The following DOCK2 variants were observed in gnomAD, a reference collection of about 807,000 sequenced individuals.
DOCK2 encodes dedicator of cytokinesis protein 2.
In DOCK2, 87 loss-of-function variants were observed where a neutral mutation model predicts 248.9. That is an observed-to-expected ratio of 0.35 (90% CI 0.29 to 0.42). DOCK2 has a LOEUF of 0.42. Among genes scored for constraint, DOCK2 ranks in the 10% least tolerant of loss-of-function variants. The pLI is 1.00. For synonymous variants in DOCK2, 805 were observed against 821.6 expected, an observed-to-expected ratio of 0.98 and a Z score of 0.35; for missense variants, 1,747 against 2,300.2, an observed-to-expected ratio of 0.76 and a Z score of 4.92.
chr5:169,697,833 G>T (rs1169315040), intron 10 of DOCK2, among the ~76,000 whole-genome samples: 1 of 152,060 alleles, frequency 6.6e-6, no homozygotes. Context: ...TCTTTACCTT[G>T]GTTTTGGGAC....
chr5:170,007,343 G>A (rs528669110), intron 30 of DOCK2, among the ~76,000 whole-genome samples: 2 of 152,294 alleles, frequency 1.3e-5, no homozygotes, highest in East Asian at 3.9e-4. Context: ...TTGGCATCTT[G>A]CAATAATTGC....
intron 10 of DOCK2, 136 bp from the exon 11 acceptor site, chr5:169,698,238 C>A: frequency 2.7e-6 from 2 of 729,408 alleles, no homozygotes; most frequent in Non-Finnish European, 4.6e-6. Context: ...GCAGCACTGG[C>A]TTGCTTGCCA....
chr5:170,077,863 C>T, intron 48 of DOCK2, 26 bp downstream of exon 48: 3 of 1,607,290 alleles, frequency 1.9e-6, no homozygotes, highest in Non-Finnish European at 2.5e-6. Flanking sequence ...CCAAGGAGCC[C>T]CCCACACCCC....
intron 27 of DOCK2, among the ~76,000 whole-genome samples, chr5:169,982,106 G>T (rs1312711148): frequency 3.5e-5 from 5 of 144,206 alleles, no homozygotes. Flanking sequence ...AATACTTCCA[G>T]CCAGGCCATC....
intron 26 of DOCK2, 132 bp downstream of exon 26, chr5:169,803,338 A>G: frequency 1.6e-6 from 2 of 1,213,162 alleles, no homozygotes; most frequent in Non-Finnish European, 1.1e-6. Context: ...CAGCAGGCCT[A>G]CTTTTCCTGT....
chr5:170,043,358 A>G (rs574870217), intron 38 of DOCK2, among the ~76,000 whole-genome samples: 44 of 152,226 alleles, frequency 2.9e-4, no homozygotes, highest in Non-Finnish European at 4.9e-4. Flanking sequence ...CCTAGTGCAT[A>G]GTAATAGCTG....
intron 27 of DOCK2, chr5:169,883,587 C>A: frequency 6.4e-7 from 1 of 1,551,648 alleles, no homozygotes; most frequent in African/African-American, 1.4e-5. Context: ...GGAAATGCTT[C>A]CTGAGACTGG....
Position 169,867,856 on chromosome 5 carries a change from T to C in DOCK2, c.2799+27004T>C, listed in dbSNP as rs1011337540. Among the ~76,000 whole-genome samples, 8 of 152,262 alleles carry C rather than the reference T, an allele frequency of 5.3e-5. No homozygotes were observed. In the East Asian group the frequency reaches 1.5e-3, roughly 29 times the overall value. On this transcript the variant is annotated intron_variant, in intron 27 of 51. Coordinates refer to ENST00000520908, the MANE Select transcript of DOCK2 (RefSeq NM_004946.3). ...CTCCCCAGTGGAAACTGGAGATGGA[T>C]TGAGAGCCTAGGCAACCCCTGCATT... is the stretch of plus-strand genomic sequence containing the variant.
intron 25 of DOCK2, among the ~76,000 whole-genome samples, chr5:169,785,080 A>G (rs533389028): frequency 2.0e-5 from 3 of 152,328 alleles, no homozygotes; most frequent in African/African-American, 7.2e-5. Flanking sequence ...TAGATCTAAA[A>G]GAAGATCATA....
At chr5:169,717,536 C>T in intron 21 of DOCK2, 52 bp downstream of exon 21, 1 of 1,527,144 alleles carries the variant, frequency 6.5e-7, no homozygotes, top group Non-Finnish European at 9.1e-7. Flanking sequence ...CTTGCCCTGC[C>T]AGGATGCCTA....
At chr5:169,756,995 C>T (rs1037951389) in intron 23 of DOCK2, among the ~76,000 whole-genome samples, 10 of 151,874 alleles carry the variant, frequency 6.6e-5, no homozygotes, top group African/African-American at 2.4e-4. Flanking sequence ...ATATGGTATC[C>T]CTTTAGACTT....
chr5:170,063,548 CA>C (rs1389805321), intron 44 of DOCK2, among the ~76,000 whole-genome samples: 1 of 152,168 alleles, frequency 6.6e-6, no homozygotes, highest in Non-Finnish European at 1.5e-5. Flanking sequence ...GCTAATAGGG[CA>C]AACAAACAAT....
intron 22 of DOCK2, among the ~76,000 whole-genome samples, chr5:169,738,842 G>A (rs1763171736): frequency 6.6e-6 from 1 of 152,152 alleles, no homozygotes; most frequent in African/African-American, 2.4e-5. Flanking sequence ...ATGCTAGTCT[G>A]GTTTAGAATT....
At chr5:169,917,636 A>G (rs550393333) in intron 27 of DOCK2, among the ~76,000 whole-genome samples, 25 of 152,340 alleles carry the variant, frequency 1.6e-4, no homozygotes, top group African/African-American at 5.8e-4. Flanking sequence ...GCGAAACACT[A>G]GAAAGTCCCA....
At chr5:169,919,733 C>A (rs1483125116) in intron 27 of DOCK2, among the ~76,000 whole-genome samples, 3 of 152,110 alleles carry the variant, frequency 2.0e-5, no homozygotes, top group Non-Finnish European at 2.9e-5. Context: ...TTCTCTGAGT[C>A]CCCGCGAAAC....
intron 2 of DOCK2, among the ~76,000 whole-genome samples, chr5:169,659,007 T>G (rs574083882): frequency 7.1e-6 from 1 of 141,824 alleles, no homozygotes; most frequent in South Asian, 2.2e-4. Context: ...TTATTATTAT[T>G]ATTATTATTA....
chr5:169,991,422 A>C (rs369963456), intron 29 of DOCK2, among the ~76,000 whole-genome samples: 31 of 152,356 alleles, frequency 2.0e-4, no homozygotes, highest in African/African-American at 6.5e-4. Context: ...GCTCTATTGC[A>C]TATGGCTTCT....
chr5:169,757,894 C>T (rs1338198665), intron 23 of DOCK2, among the ~76,000 whole-genome samples: 2 of 152,074 alleles, frequency 1.3e-5, no homozygotes, highest in South Asian at 4.1e-4. Flanking sequence ...GATTGTATGT[C>T]CAATGGTAGC....
chr5:170,025,790 C>T lies in DOCK2; in HGVS notation c.3382-2073C>T, dbSNP rs796276515. 2.2e-3 allele frequency among the ~76,000 whole-genome samples: 150 copies of T among 67,604 alleles called. 1 individual carries two copies. The highest frequency in any genetic ancestry group is 3.1e-3 in the Non-Finnish European group (101 of 32,814). The allele number at this position is 67,604 out of a possible 152,430, so 44.4% of individuals were successfully genotyped here. A position where few individuals can be genotyped will look rare whatever the true frequency, so the allele number is the denominator to read the frequency against. ...TCCCTCCCTCCCTCCCTCCTTCCCT[C>T]CCTTCCTTCCTTCCTTCCTTCCTTC... On this transcript the variant is annotated intron_variant, in intron 33 of 51. Coordinates refer to ENST00000520908, the MANE Select transcript of DOCK2 (RefSeq NM_004946.3).
Sources: gnomAD v4.1 joint callset for allele counts (sites outside exome capture counted in the v4.1 genomes callset) on GRCh38, gnomAD v4.1.1 for gene constraint, MANE v1.5 for transcripts, NCBI Gene and HGNC (gene_info 2026-07-23, HGNC 2026-07-21) for gene names.